The following ZFR2 variants were observed in gnomAD, a reference collection of about 807,000 sequenced individuals.
ZFR2 encodes zinc finger RNA binding protein 2.
Under a neutral mutation model 105.7 loss-of-function variants are expected in ZFR2, and 104 were observed. That is an observed-to-expected ratio of 0.98 (90% confidence interval 0.84 to 1.16). The LOEUF (loss-of-function observed/expected upper bound fraction) is 1.16, where lower values mean the gene tolerates loss of function less well. ZFR2 is among the 50% of genes most tolerant of loss of function. The probability of loss-of-function intolerance (pLI) is 0.00; values close to 1 mark genes in which losing one functional copy is unlikely to be tolerated. For synonymous variants in ZFR2, 634 were observed against 597.7 expected (o/e 1.06, Z -0.89); for missense variants, 1,425 against 1,355.5 (o/e 1.05, Z -0.80).
rs945232050 is a variant in ZFR2, at chr19:3,838,191, G to A, written c.54-3208C>T. Among the ~76,000 whole-genome samples the A allele has an allele frequency of 2.6e-4, 40 of 151,864 alleles. No homozygotes were observed. Among genetic ancestry groups the A allele is most frequent in the African/African-American group, 4.8e-5 (2 of 41,316 alleles). ...GATGAACACCATGACCGTGACACCCGATGAACATCCCGACAATACATTCGA... is the reference window on the plus strand; with the variant it reads ...GATGAACACCATGACCGTGACACCCAATGAACATCCCGACAATACATTCGA... On this transcript the variant is annotated intron_variant, in intron 1 of 18. Coordinates refer to ENST00000262961, the MANE Select transcript of ZFR2 (RefSeq NM_015174.2). This position sits in a 1 kb window ranked among gnomAD's most constrained non-coding sequence, Gnocchi z 4.9.
Position 3,810,734 on chromosome 19 carries a change from C to G in ZFR2, c.2433+16G>C. On this transcript the variant is annotated intron_variant, in intron 16 of 18. Coordinates refer to ENST00000262961, the MANE Select transcript of ZFR2 (RefSeq NM_015174.2). ...GGGGTCCCAGTGGAGGGCCGGGCCG[C>G]CAGGCACTGCCTTACCCAGGCTGGC... The G allele has an allele frequency of 6.5e-7, 1 of 1,546,004 alleles. No homozygotes were observed. The highest frequency in any genetic ancestry group is 8.7e-7 in the Non-Finnish European group (1 of 1,144,442).
intron 11 of ZFR2, 131 bp from the exon 12 acceptor site, chr19:3,819,366 TC>T: frequency 4.2e-6 from 4 of 961,466 alleles, no homozygotes; most frequent in Non-Finnish European, 5.9e-6. Flanking sequence ...CAGGTGAGAA[TC>T]CAGTGCACAC....
chr19:3,831,278 T>C (rs1331719949), intron 5 of ZFR2, 25 bp downstream of exon 5: 2 of 1,487,386 alleles, frequency 1.3e-6, no homozygotes, highest in South Asian at 1.3e-5. Flanking sequence ...CCCTGGGGCC[T>C]GCCCATGGCA....
chr19:3,812,029 C>T (rs569820091), intron 14 of ZFR2, among the ~76,000 whole-genome samples: 82 of 152,106 alleles, frequency 5.4e-4, no homozygotes, highest in African/African-American at 1.8e-3. Context: ...CTGCAACCTC[C>T]GCCTCTCGGG....
chr19:3,829,350 G>C (rs1365627074), intron 5 of ZFR2, among the ~76,000 whole-genome samples: 1 of 152,138 alleles, frequency 6.6e-6, no homozygotes, highest in Non-Finnish European at 1.5e-5. Flanking sequence ...AACTTAGAAA[G>C]AGAGACTGCC....
chr19:3,821,068 G>C (rs73521140), intron 10 of ZFR2, among the ~76,000 whole-genome samples: 52,845 of 135,846 alleles, frequency 0.39, 12,057 homozygotes, highest in East Asian at 0.45. Context: ...CAGCCGTGTG[G>C]TCCAGCGAGT....
chr19:3,820,896 ACTAG>A (rs1260595167), intron 10 of ZFR2, among the ~76,000 whole-genome samples: 1 of 109,542 alleles, frequency 9.1e-6, no homozygotes. Flanking sequence ...ACACAGGGAC[ACTAG>A]AGGTCGGGGG....
At chr19:3,810,994 C>T (rs532183701) in intron 15 of ZFR2, 149 bp from the exon 16 acceptor site, 2 of 908,276 alleles carry the variant, frequency 2.2e-6, no homozygotes, top group South Asian at 3.6e-5. Context: ...AGTCCACTCC[C>T]ACATGAGCCC....
Position 3,827,673 on chromosome 19 carries a change from G to A in ZFR2, c.853-20C>T. ...GTAGGTCTGCGGCAAGGGGTGAGAG[G>A]CAGCCTGGGCGGGGGTTTGCACACT... is the stretch of plus-strand genomic sequence containing the variant. On this transcript the variant is annotated intron_variant, in intron 5 of 18. Coordinates refer to ENST00000262961, the MANE Select transcript of ZFR2 (RefSeq NM_015174.2). 1 of 1,565,940 alleles carries A rather than the reference G, an allele frequency of 6.4e-7. No individual in the cohort carries two copies. The highest frequency in any genetic ancestry group is 8.7e-7 in the Non-Finnish European group (1 of 1,156,034).
At position 3,840,011 on chromosome 19, in the gene ZFR2, T is replaced by C. The variant is rs548558070; in HGVS notation, c.54-5028A>G. Among the ~76,000 whole-genome samples the C allele has an allele frequency of 3.9e-5, 6 of 152,212 alleles. No individual in the cohort carries two copies. In the East Asian group the frequency reaches 1.2e-3, roughly 29 times the overall value. On this transcript the variant is annotated intron_variant, in intron 1 of 18. Transcript: ENST00000262961. ...TTTCAGTTACATGTGTGCAAAATGA[T>C]GTTCTTATTGTGTATGTCACCCCGC...
intron 1 of ZFR2, among the ~76,000 whole-genome samples, chr19:3,848,213 A>C (rs961775595): frequency 6.6e-6 from 1 of 151,988 alleles, no homozygotes; most frequent in African/African-American, 2.4e-5. Context: ...GGAGTTCGAG[A>C]CCAGCCTGGC....
At chr19:3,814,757 A>T (rs2037807144) in intron 13 of ZFR2, among the ~76,000 whole-genome samples, 1 of 152,222 alleles carries the variant, frequency 6.6e-6, no homozygotes, top group Non-Finnish European at 1.5e-5. Context: ...TATTGAAGTC[A>T]GAGCATGTCA....
intron 9 of ZFR2, among the ~76,000 whole-genome samples, chr19:3,821,761 G>T (rs956142381): frequency 1.3e-5 from 2 of 151,408 alleles, no homozygotes; most frequent in South Asian, 4.2e-4. Flanking sequence ...TTACAGGTGC[G>T]CACCACCACA....
At chr19:3,848,908 G>A (rs973364589) in intron 1 of ZFR2, among the ~76,000 whole-genome samples, 11 of 151,804 alleles carry the variant, frequency 7.2e-5, no homozygotes, top group African/African-American at 2.7e-4. Context: ...GCAGGAGAAT[G>A]GCATGAACCC....
Position 3,847,837 on chromosome 19 carries a change from G to A in ZFR2, c.54-12854C>T, listed in dbSNP as rs78208827. Among the ~76,000 whole-genome samples the A allele has an allele frequency of 4.4e-3, 665 of 152,270 alleles. 3 individuals carry two copies. The highest frequency in any genetic ancestry group is 0.014 in the Middle Eastern group (4 of 294). On this transcript the variant is annotated intron_variant, in intron 1 of 18. Coordinates refer to ENST00000262961, the MANE Select transcript of ZFR2 (RefSeq NM_015174.2). ...ACTAAGAGTCAACGGCAAAGAGGCC[G>A]GGAGAGCTGATTTAGAATCATCAGG...
At chr19:3,848,438 T>C (rs2038204399) in intron 1 of ZFR2, among the ~76,000 whole-genome samples, 1 of 151,578 alleles carries the variant, frequency 6.6e-6, no homozygotes, top group African/African-American at 2.4e-5. Context: ...TGGCCAGGTG[T>C]GGTGTCTCAC....
chr19:3,823,735 A>G lies in ZFR2; in HGVS notation c.1214-332T>C, dbSNP rs150016265. On this transcript the variant is annotated intron_variant, in intron 7 of 18. Transcript: ENST00000262961. This position sits in a 1 kb window ranked among gnomAD's most constrained non-coding sequence, Gnocchi z 5.4. ...GCGGACCAAGGCTCGCACTTAACCTACCCCCGTTAGGCGAAATGATGGAGC... is the reference window on the plus strand; with the variant it reads ...GCGGACCAAGGCTCGCACTTAACCTGCCCCCGTTAGGCGAAATGATGGAGC... Among the ~76,000 whole-genome samples, 1 of 152,142 alleles carries G rather than the reference A, an allele frequency of 6.6e-6. No homozygotes were observed. The highest frequency in any genetic ancestry group is 1.5e-5 in the Non-Finnish European group (1 of 68,006).
At chr19:3,833,373 G>A (rs549597742) in intron 3 of ZFR2, among the ~76,000 whole-genome samples, 2 of 151,956 alleles carry the variant, frequency 1.3e-5, no homozygotes, top group South Asian at 2.1e-4. Context: ...TCAGGAGATG[G>A]AGACCATCCT....
chr19:3,862,794 C>A (rs1025799256), intron 1 of ZFR2, among the ~76,000 whole-genome samples: 1 of 152,212 alleles, frequency 6.6e-6, no homozygotes, highest in African/African-American at 2.4e-5. Context: ...GAGTTCAGCC[C>A]CTAACACGTA....
Sources: gnomAD v4.1 joint callset for allele counts (sites outside exome capture counted in the v4.1 genomes callset) on GRCh38, gnomAD v4.1.1 for gene constraint, Gnocchi (gnomAD v3.1) non-coding constraint, MANE v1.5 for transcripts, NCBI Gene and HGNC (gene_info 2026-07-23, HGNC 2026-07-21) for gene names.